Variants in PBX1 observed in about 807,000 individuals in gnomAD.
PBX1 encodes the protein PBX homeobox 1.
In PBX1, 6 loss-of-function variants were observed where a neutral mutation model predicts 53.4. The observed-to-expected ratio is 0.11, with a 90% CI of 0.06 to 0.22. PBX1 has a LOEUF of 0.22. PBX1 is among the 10% of genes least tolerant of loss of function. PBX1 has a pLI of 1.00. For synonymous variants in PBX1, 204 were observed against 212.3 expected (o/e 0.96, Z 0.34); for missense variants, 251 against 551.4 (o/e 0.46, Z 5.46).
At chr1:164,565,215 A>G (rs1653348803) in intron 2 of PBX1, among the ~76,000 whole-genome samples, 2 of 152,162 alleles carry the variant, frequency 1.3e-5, no homozygotes, top group Admixed American at 1.3e-4. Context: ...GTATAATGAT[A>G]GGAAGTAAAG....
At chr1:164,700,194 C>CT (rs1663036971) in intron 2 of PBX1, among the ~76,000 whole-genome samples, 1 of 152,142 alleles carries the variant, frequency 6.6e-6, no homozygotes, top group Non-Finnish European at 1.5e-5. Flanking sequence ...ATGTGTGTGG[C>CT]TTTTCTTCAG....
chr1:164,859,054 G>A (rs543887554), intron 2 of PBX1, among the ~76,000 whole-genome samples: 52 of 152,298 alleles, frequency 3.4e-4, no homozygotes, highest in African/African-American at 1.1e-3. Context: ...TCAGTTGAAG[G>A]CTAGGGGTTT....
chr1:164,867,438 G>A (rs1372295546), intron 2 of PBX1, among the ~76,000 whole-genome samples: 1 of 152,180 alleles, frequency 6.6e-6, no homozygotes, highest in Non-Finnish European at 1.5e-5. Context: ...TGGGGACAAA[G>A]TGCCTCAAGG....
At chr1:164,777,499 C>A (rs548565283) in intron 2 of PBX1, among the ~76,000 whole-genome samples, 1 of 152,154 alleles carries the variant, frequency 6.6e-6, no homozygotes, top group African/African-American at 2.4e-5. Flanking sequence ...GAGACTCTGA[C>A]CATAAAGCTA....
At chr1:164,676,903 T>G in intron 2 of PBX1, among the ~76,000 whole-genome samples, 1 of 152,136 alleles carries the variant, frequency 6.6e-6, no homozygotes, top group East Asian at 1.9e-4. Context: ...ATAAGACTAA[T>G]GTGTCAGGCT....
intron 2 of PBX1, among the ~76,000 whole-genome samples, chr1:164,606,099 T>G (rs985209911): frequency 6.6e-6 from 1 of 152,200 alleles, no homozygotes; most frequent in Non-Finnish European, 1.5e-5. Context: ...TCTTTTCAGC[T>G]TCAAGGGATT....
chr1:164,796,072 C>T (rs1668771694), intron 3 of PBX1, among the ~76,000 whole-genome samples: 5 of 149,680 alleles, frequency 3.3e-5, no homozygotes, highest in Admixed American at 2.7e-4. Flanking sequence ...GGCTGGAGTG[C>T]AGTGGCACGA....
rs113836981 is a variant in PBX1 at position 164,773,243 on chromosome 1, G to GCGCACACACACA, written c.266-19250_266-19249insGCACACACACAC. On this transcript the variant is annotated intron_variant, in intron 2 of 8. Coordinates refer to ENST00000420696, the MANE Select transcript of PBX1 (RefSeq NM_002585.4). Reference sequence around the variant, plus strand: ...CAGCTCTTGCATATAGGTAACACGCGCACACACACACACACACACACACAC... The same window carrying GCGCACACACACA: ...CAGCTCTTGCATATAGGTAACACGCGCGCACACACACACACACACACACACACACACACACAC... Among the ~76,000 whole-genome samples, 42 of 147,784 alleles carry GCGCACACACACA rather than the reference G, an allele frequency of 2.8e-4. No individual in the cohort carries two copies. In the South Asian group the frequency reaches 3.5e-3, roughly 12 times the overall value.
chr1:164,819,911 C>T (rs552558330), intron 6 of PBX1, 161 bp from the exon 7 acceptor site: 1 of 588,970 alleles, frequency 1.7e-6, no homozygotes, highest in Middle Eastern at 3.0e-4. Flanking sequence ...ATTGCTTGCT[C>T]TGTTCTTCAT....
intron 2 of PBX1, among the ~76,000 whole-genome samples, chr1:164,605,998 T>C (rs182559749): frequency 1.3e-5 from 2 of 152,322 alleles, no homozygotes; most frequent in East Asian, 3.9e-4. Flanking sequence ...TTGGGTAGAT[T>C]TTCCTGGAGT....
At position 164,847,370 on chromosome 1, in the gene PBX1, G is replaced by A. The variant is rs570904135; in HGVS notation, c.*694G>A. ...TTTCATCTCCACTAGGTTGGTTCCC[G>A]GGCAGGAAGTCAGGCAGCAGGGAAG... is the stretch of plus-strand genomic sequence containing the variant. On this transcript the variant is annotated 3_prime_UTR_variant, in exon 9 of 9. Coordinates refer to ENST00000420696, the MANE Select transcript of PBX1 (RefSeq NM_002585.4). 7.5e-5 allele frequency: 80 copies of A among 1,064,592 alleles called. 1 individual carries two copies. The highest frequency in any genetic ancestry group is 2.0e-4 in the East Asian group (4 of 20,026). 65.9% of individuals were successfully genotyped at this position (1,064,592 alleles called of 1,614,324 possible). A position where few individuals can be genotyped will look rare whatever the true frequency, so the allele number is the denominator to read the frequency against.
At chr1:164,874,007 G>A (rs199675647) in intron 2 of PBX1, among the ~76,000 whole-genome samples, 85 of 143,390 alleles carry the variant, frequency 5.9e-4, no homozygotes, top group Non-Finnish European at 6.9e-4. Context: ...GAGGAATTCA[G>A]AAAAAAAAAA....
At chr1:164,639,637 A>T (rs1018053699) in intron 2 of PBX1, 1 of 152,238 alleles carries the variant, frequency 6.6e-6, no homozygotes, top group Admixed American at 6.5e-5. Flanking sequence ...CTAGGCAAGG[A>T]TGACATGCGA....
At chr1:164,595,983 A>G (rs1022175462) in intron 2 of PBX1, among the ~76,000 whole-genome samples, 3 of 152,208 alleles carry the variant, frequency 2.0e-5, no homozygotes, top group Non-Finnish European at 4.4e-5. Context: ...ATTTCTCAGT[A>G]AAAGAAAGTC....
chr1:164,863,342 G>A (rs2102444891), intron 2 of PBX1, among the ~76,000 whole-genome samples: 1 of 152,344 alleles, frequency 6.6e-6, no homozygotes, highest in South Asian at 2.1e-4. Context: ...ATTTCTTAAA[G>A]TCCCTAGCTA....
At chr1:164,653,802 G>A (rs375461571) in intron 2 of PBX1, among the ~76,000 whole-genome samples, 60 of 152,152 alleles carry the variant, frequency 3.9e-4, no homozygotes, top group African/African-American at 1.3e-3. Flanking sequence ...TGTCATGGCC[G>A]CACCTCTCAA....
chr1:164,862,607 G>T (rs1173283245), intron 2 of PBX1, among the ~76,000 whole-genome samples: 1 of 152,312 alleles, frequency 6.6e-6, no homozygotes, highest in South Asian at 2.1e-4. Flanking sequence ...CGTGAACAGA[G>T]ATTTACCAGA....
chr1:164,569,799 G>C (rs1653716447), intron 2 of PBX1, among the ~76,000 whole-genome samples: 1 of 151,950 alleles, frequency 6.6e-6, no homozygotes, highest in African/African-American at 2.4e-5. Context: ...GATCTCAAGT[G>C]ATCCGCCTGC....
intron 6 of PBX1, chr1:164,815,503 CT>C (rs1669836445): frequency 6.6e-6 from 1 of 152,206 alleles, no homozygotes; most frequent in Non-Finnish European, 1.5e-5. Flanking sequence ...TTAGTCCATT[CT>C]CACGCTGCTA....
Sources: allele counts gnomAD v4.1 joint callset (sites outside exome capture counted in the v4.1 genomes callset), GRCh38; gene constraint gnomAD v4.1.1; transcripts MANE v1.5; gene names NCBI Gene and HGNC (gene_info 2026-07-23, HGNC 2026-07-21).